TBX1: variants seen among roughly 807,000 people sequenced by gnomAD.
The protein encoded by TBX1 is T-box transcription factor TBX1.
A neutral mutation model predicts 40.8 loss-of-function variants in TBX1; 16 were observed. The ratio of observed to expected loss-of-function variants is 0.39; its 90% CI spans 0.27 to 0.60. The LOEUF (loss-of-function observed/expected upper bound fraction) is 0.60, where lower values mean the gene tolerates loss of function less well. TBX1 is among the 20% of genes least tolerant of loss of function. The pLI, the probability that TBX1 is intolerant of heterozygous loss-of-function variation, is 0.51. For synonymous variants in TBX1, 403 were observed against 336.8 expected (o/e 1.20, Z -2.15); for missense variants, 755 against 728.5 (o/e 1.04, Z -0.42).
At chr22:19,760,326 G>T (rs1280609669), upstream of TBX1, among the ~76,000 whole-genome samples, 1 of 149,588 alleles carries the variant, frequency 6.7e-6, no homozygotes, top group South Asian at 2.1e-4. Flanking sequence ...GAAAAGGAAG[G>T]CGAGGATGGA....
At position 19,766,007 on chromosome 22, in the gene TBX1, G is replaced by A. The variant is rs1041218128; in HGVS notation, c.1036+5G>A. 4.7e-6 allele frequency: 7 copies of A among 1,498,334 alleles called. No individual in the cohort carries two copies. Among genetic ancestry groups the A allele is most frequent in the South Asian group, 1.2e-5 (1 of 80,370 alleles). 92.8% of individuals were successfully genotyped at this position (1,498,334 alleles called of 1,614,324 possible). A position where few individuals can be genotyped will look rare whatever the true frequency, so the allele number is the denominator to read the frequency against. On this transcript the variant is annotated splice_donor_5th_base_variant and intron_variant, in intron 6 of 6. Coordinates refer to ENST00000649276, the MANE Select transcript of TBX1 (RefSeq NM_001379200.1). ...AGCCCAGCGGCACGGAGAAAGGTAG[G>A]GCCGGGGTCGTGGGATCCGGGTTCC...
At chr22:19,767,408 GCTCAGGGCC>G, downstream of TBX1, 2 of 985,584 alleles carry the variant, frequency 2.0e-6, no homozygotes, top group Non-Finnish European at 2.4e-6. Context: ...GCCCGGGGTA[GCTCAGGGCC>G]CTCAGGGCCT....
chr22:19,767,046 G>T lies in TBX1; in HGVS notation c.*179G>T. 7.6e-7 allele frequency: 1 copy of T among 1,313,212 alleles called. No individual in the cohort carries two copies. Among genetic ancestry groups the T allele is most frequent in the Non-Finnish European group, 9.7e-7 (1 of 1,035,316 alleles). The allele number at this position is 1,313,212 out of a possible 1,614,324, so 81.3% of individuals were successfully genotyped here. On this transcript the variant is annotated 3_prime_UTR_variant, in exon 7 of 7. Transcript: ENST00000649276. ...CCCCTCGCCACCCCCAGCCCCTTGG[G>T]CTATCGAAGTATCCGGTTCCCCAGT... is the stretch of plus-strand genomic sequence containing the variant.
chr22:19,782,922 C>T (rs772848857), downstream of TBX1: 5 of 1,613,464 alleles, frequency 3.1e-6, no homozygotes, highest in South Asian at 2.2e-5. Flanking sequence ...GGGCTGGTCA[C>T]AGAAGGCTCT....
At chr22:19,778,023 G>A (rs964497197) in intron 8 of TBX1, among the ~76,000 whole-genome samples, 2 of 151,954 alleles carry the variant, frequency 1.3e-5, no homozygotes, top group Admixed American at 1.3e-4. Context: ...GCCTCTCAAA[G>A]TGCTGGGATT....
downstream of TBX1, chr22:19,767,340 C>T (rs931505442): frequency 1.8e-5 from 18 of 988,256 alleles, no homozygotes; most frequent in East Asian, 1.1e-4. Context: ...TGGAAGCCGC[C>T]TGCGTGTCCA....
Position 19,767,128 on chromosome 22 carries a change from G to C in TBX1, c.*261G>C. 2 of 1,247,658 alleles carry C rather than the reference G, an allele frequency of 1.6e-6. No individual in the cohort carries two copies. Among genetic ancestry groups the C allele is most frequent in the East Asian group, 3.6e-5 (1 of 28,136 alleles). The allele number at this position is 1,247,658 out of a possible 1,614,324, so 77.3% of individuals were successfully genotyped here. ...CCGAGGGCCAAGGGGGTCCCCGCCC[G>C]CCAGTGCCAAAGCGCCCGGTCGGAG... is the stretch of plus-strand genomic sequence containing the variant. On this transcript the variant is annotated 3_prime_UTR_variant, in exon 7 of 7. Transcript: ENST00000649276.
At chr22:19,769,245 GC>G (rs1314120579), downstream of TBX1, among the ~76,000 whole-genome samples, 1 of 152,206 alleles carries the variant, frequency 6.6e-6, no homozygotes, top group East Asian at 1.9e-4. Context: ...TCAGGCATGA[GC>G]CATCACACTC....
At position 19,766,798 on chromosome 22, in the gene TBX1, C is replaced by T. The variant is rs770702512; in HGVS notation, c.1446C>T (p.Ala482=). 1 of 1,520,138 alleles carries T rather than the reference C, an allele frequency of 6.6e-7. No homozygotes were observed. The highest frequency in any genetic ancestry group is 8.7e-7 in the Non-Finnish European group (1 of 1,149,104). 94.2% of individuals were successfully genotyped at this position (1,520,138 alleles called of 1,614,324 possible). Residue 482 remains alanine (A), a synonymous_variant, in exon 7 of 7, where the codon GCC becomes GCT. Transcript: ENST00000649276. The part of the protein sequence containing the change: ...AAAAAAAAAA[A]AAANMYSSAG... ...CCGCCGCCGCCGCTGCCGCAGCTGC[C>T]GCGGCCGCCAACATGTACTCGTCGG... is the stretch of plus-strand genomic sequence containing the variant.
chr22:19,779,296 G>C, exon 9 of TBX1: 1 of 1,614,264 alleles, frequency 6.2e-7, no homozygotes, highest in Admixed American at 1.7e-5. Context: ...TGGAGCTTCT[G>C]AGGGATGCAG....
Position 19,766,783 on chromosome 22 carries a change from C to CGCA in TBX1, c.1433_1434insAGC (p.Ala485dup). On this transcript the variant is annotated inframe_insertion, in exon 7 of 7. Transcript: ENST00000649276. ...GTCCAGCCGCCGCGGCCGCCGCCGC[C>CGCA]GCTGCCGCAGCTGCCGCGGCCGCCA... 6.7e-7 allele frequency: 1 copy of CGCA among 1,490,264 alleles called. No individual in the cohort carries two copies. Among genetic ancestry groups the CGCA allele is most frequent in the South Asian group, 1.3e-5 (1 of 77,324 alleles). The allele number at this position is 1,490,264 out of a possible 1,614,324, so 92.3% of individuals were successfully genotyped here.
intron 1 of TBX1, among the ~76,000 whole-genome samples, chr22:19,761,761 G>A (rs533206704): frequency 1.1e-4 from 17 of 152,350 alleles, no homozygotes; most frequent in African/African-American, 3.8e-4. Context: ...GCAACTCTCT[G>A]GACACTTTCA....
chr22:19,770,487 C>T (rs1936971741), downstream of TBX1, among the ~76,000 whole-genome samples: 1 of 152,240 alleles, frequency 6.6e-6, no homozygotes, highest in Admixed American at 6.5e-5. Flanking sequence ...GGCTTCTCAC[C>T]CAGGAAAGCA....
chr22:19,775,053 A>T (rs41297804), intron 8 of TBX1, among the ~76,000 whole-genome samples: 1 of 152,256 alleles, frequency 6.6e-6, no homozygotes, highest in East Asian at 1.9e-4. Context: ...TGCTGGGATT[A>T]TAGGTGTGAG....
At chr22:19,779,440 G>A in exon 9 of TBX1, 1 of 1,613,720 alleles carries the variant, frequency 6.2e-7, no homozygotes, top group Non-Finnish European at 8.5e-7. Context: ...ACATGGAGTT[G>A]TCGTGTTTCC....
In TBX1 at chr22:19,766,777, C is replaced by CGCCGCCGCT. The variant is rs774489872; in HGVS notation, c.1431_1439dup (p.Ala483_Ala485dup). The CGCCGCCGCT allele has an allele frequency of 1.4e-6, 2 of 1,480,832 alleles. No homozygotes were observed. Among genetic ancestry groups the CGCCGCCGCT allele is most frequent in the Admixed American group, 2.6e-5 (1 of 38,066 alleles). The allele number at this position is 1,480,832 out of a possible 1,614,324, so 91.7% of individuals were successfully genotyped here. ...CCGTGAGTCCAGCCGCCGCGGCCGC[C>CGCCGCCGCT]GCCGCCGCTGCCGCAGCTGCCGCGG... On this transcript the variant is annotated inframe_insertion, in exon 7 of 7. Transcript: ENST00000649276.
At chr22:19,775,027 C>T (rs1311011206) in intron 8 of TBX1, among the ~76,000 whole-genome samples, 1 of 152,210 alleles carries the variant, frequency 6.6e-6, no homozygotes, top group Non-Finnish European at 1.5e-5. Context: ...TCTCCTTCCA[C>T]CTCGGCCTCC....
downstream of TBX1, among the ~76,000 whole-genome samples, chr22:19,769,711 A>T (rs931366997): frequency 6.6e-6 from 1 of 152,240 alleles, no homozygotes; most frequent in African/African-American, 2.4e-5. Flanking sequence ...GACAGCTGTG[A>T]TCTGAACGTT....
chr22:19,780,788 G>T (rs5746831), downstream of TBX1, among the ~76,000 whole-genome samples: 60,832 of 128,706 alleles, frequency 0.47, 14,743 homozygotes, highest in African/African-American at 0.55. Flanking sequence ...TTTTTTTTTT[G>T]TTTTTTTTTT....
Sources: gnomAD v4.1 joint callset for allele counts (sites outside exome capture counted in the v4.1 genomes callset) on GRCh38, gnomAD v4.1.1 for gene constraint, MANE v1.5 for transcripts, NCBI Gene and HGNC (gene_info 2026-07-23, HGNC 2026-07-21) for gene names.